The following METTL9 variants were observed in gnomAD, a reference collection of about 807,000 sequenced individuals.
The protein encoded by METTL9 is protein-L-histidine N-pros-methyltransferase.
A neutral mutation model predicts 36.0 loss-of-function variants in METTL9; 10 were observed. The observed-to-expected ratio is 0.28, with a 90% CI of 0.17 to 0.47. METTL9 has a LOEUF of 0.47. Ranked by LOEUF, METTL9 falls within the 20% of genes least tolerant of loss-of-function variation. The pLI is 0.99. For synonymous variants in METTL9, 175 were observed against 149.7 expected, an observed-to-expected ratio of 1.17 and a Z score of -1.23; for missense variants, 246 against 383.5, an observed-to-expected ratio of 0.64 and a Z score of 3.00.
intron 4 of METTL9, among the ~76,000 whole-genome samples, chr16:21,636,090 A>G (rs1286276031): frequency 6.6e-6 from 1 of 152,200 alleles, no homozygotes; most frequent in Non-Finnish European, 1.5e-5. Context: ...CCTGTGTCCT[A>G]TAAAGATGTT....
intron 3 of METTL9, among the ~76,000 whole-genome samples, 173 bp from the exon 4 acceptor site, chr16:21,624,758 G>T (rs903506563): frequency 4.0e-5 from 6 of 151,524 alleles, no homozygotes; most frequent in Non-Finnish European, 8.8e-5. Context: ...AAAAAAAAAT[G>T]GTTGCTATTT....
chr16:21,615,024 C>T (rs761401219), intron 2 of METTL9, among the ~76,000 whole-genome samples: 1 of 152,144 alleles, frequency 6.6e-6, no homozygotes, highest in Non-Finnish European at 1.5e-5. Flanking sequence ...CACTAAATGG[C>T]AGTAGTACCC....
upstream of METTL9, among the ~76,000 whole-genome samples, chr16:21,597,494 T>A (rs1964973998): frequency 6.6e-6 from 1 of 152,232 alleles, no homozygotes; most frequent in South Asian, 2.1e-4. Context: ...TCTGCTCCTT[T>A]GAGCTGTTAG....
chr16:21,637,810 A>G (rs1966143467), intron 4 of METTL9, among the ~76,000 whole-genome samples: 1 of 152,248 alleles, frequency 6.6e-6, no homozygotes, highest in South Asian at 2.1e-4. Flanking sequence ...GGGTCCCCAC[A>G]GCACAGCGGC....
chr16:21,619,189 G>A (rs921733394), intron 3 of METTL9, among the ~76,000 whole-genome samples: 1 of 152,166 alleles, frequency 6.6e-6, no homozygotes, highest in African/African-American at 2.4e-5. Flanking sequence ...AGACCCAGAA[G>A]TGGAGTTGCT....
intron 4 of METTL9, among the ~76,000 whole-genome samples, chr16:21,645,643 A>G (rs1003112386): frequency 1.3e-5 from 2 of 152,302 alleles, no homozygotes; most frequent in South Asian, 2.1e-4. Flanking sequence ...AACACTTTCA[A>G]TTCTGCCTTT....
intron 4 of METTL9, among the ~76,000 whole-genome samples, chr16:21,650,580 C>T (rs1214168759): frequency 6.7e-6 from 1 of 149,800 alleles, no homozygotes; most frequent in African/African-American, 2.5e-5. Context: ...TCTTTAAAAA[C>T]TAGTAGTATA....
intron 4 of METTL9, among the ~76,000 whole-genome samples, chr16:21,638,019 CAG>C (rs1966149407): frequency 6.6e-6 from 1 of 152,192 alleles, no homozygotes; most frequent in African/African-American, 2.4e-5. Flanking sequence ...CAAATCTAAA[CAG>C]AAAGTTACAG....
rs1381822591 is a variant in METTL9, at chr16:21,599,673, G to A, written c.-61G>A. 4.4e-6 allele frequency: 6 copies of A among 1,370,566 alleles called. No individual in the cohort carries two copies. Among genetic ancestry groups the A allele is most frequent in the Admixed American group, 3.8e-5 (1 of 26,236 alleles). 84.9% of individuals were successfully genotyped at this position (1,370,566 alleles called of 1,614,324 possible). On this transcript the variant is annotated 5_prime_UTR_variant, in exon 1 of 5. Transcript: ENST00000358154. This position sits in a 1 kb window ranked among gnomAD's most constrained non-coding sequence, Gnocchi z 4.4. ...GGTGGCGGCGGTGGCCGGAGGCGGC[G>A]GTGCCTCCTCCTCCTCGCCCCGGCG... is the stretch of plus-strand genomic sequence containing the variant.
intron 4 of METTL9, chr16:21,625,361 A>G (rs1260031018): frequency 1.7e-5 from 8 of 466,236 alleles, no homozygotes; most frequent in Non-Finnish European, 3.1e-5. Context: ...ACTGCTTGAG[A>G]TTGAAAGCTA....
At chr16:21,597,863 C>G (rs982485852), upstream of METTL9, 4 of 152,640 alleles carry the variant, frequency 2.6e-5, no homozygotes, top group African/African-American at 9.7e-5. Context: ...GAGGTTTGAA[C>G]TAGATTTAGT....
intron 4 of METTL9, chr16:21,627,407 A>G (rs1965840125): frequency 1.0e-6 from 1 of 983,490 alleles, no homozygotes; most frequent in Non-Finnish European, 1.2e-6. Flanking sequence ...AAAAAATGAA[A>G]AAAATACCAT....
rs1284914573 is a variant in METTL9, at chr16:21,657,149, C to A, written c.*1717C>A. 6.6e-6 allele frequency: 1 copy of A among 151,994 alleles called. No individual in the cohort carries two copies. Among genetic ancestry groups the A allele is most frequent in the African/African-American group, 2.4e-5 (1 of 41,360 alleles). The allele number at this position is 151,994 out of a possible 1,614,324, so 9.4% of individuals were successfully genotyped here. The stretch of plus-strand genomic sequence containing the variant: ...TAACTTTCAAGTAGAGAACTTTATG[C>A]TCTAATAAGAAAAATACAACTCATT... On this transcript the variant is annotated 3_prime_UTR_variant, in exon 5 of 5. Transcript: ENST00000358154.
chr16:21,636,280 A>G (rs547307737), intron 4 of METTL9, among the ~76,000 whole-genome samples: 1 of 152,318 alleles, frequency 6.6e-6, no homozygotes, highest in African/African-American at 2.4e-5. Flanking sequence ...GAGGGATCCT[A>G]AAATTCCAGA....
At chr16:21,621,149 A>AGTGTGTGT (rs112846012) in intron 3 of METTL9, among the ~76,000 whole-genome samples, 2 of 144,712 alleles carry the variant, frequency 1.4e-5, no homozygotes, top group Non-Finnish European at 1.5e-5. Context: ...TGAGAGAGAG[A>AGTGTGTGT]GTGTGTGTGT....
intron 4 of METTL9, among the ~76,000 whole-genome samples, chr16:21,628,894 T>A (rs1965876223): frequency 9.3e-6 from 1 of 106,966 alleles, no homozygotes. Context: ...AGATGTTTCT[T>A]TTTTTTTTTT....
At chr16:21,616,820 CT>C (rs950536960) in intron 2 of METTL9, among the ~76,000 whole-genome samples, 1 of 152,062 alleles carries the variant, frequency 6.6e-6, no homozygotes, top group African/African-American at 2.4e-5. Flanking sequence ...TTTGAAATCA[CT>C]TTTTTTTCCT....
chr16:21,643,275 C>A, intron 4 of METTL9: 2 of 719,272 alleles, frequency 2.8e-6, no homozygotes, highest in South Asian at 1.6e-5. Context: ...CCTCCCCCAA[C>A]ACATATGTGC....
At chr16:21,616,627 A>G (rs1436674604) in intron 2 of METTL9, among the ~76,000 whole-genome samples, 1 of 152,146 alleles carries the variant, frequency 6.6e-6, no homozygotes, top group East Asian at 1.9e-4. Context: ...AGTGTTTTCT[A>G]GGACCTTTAG....
Sources: gnomAD v4.1 joint callset for allele counts (sites outside exome capture counted in the v4.1 genomes callset) on GRCh38, gnomAD v4.1.1 for gene constraint, Gnocchi (gnomAD v3.1) non-coding constraint, MANE v1.5 for transcripts, NCBI Gene and HGNC (gene_info 2026-07-23, HGNC 2026-07-21) for gene names.